PSD4: variants seen among roughly 807,000 people sequenced by gnomAD.
PSD4 encodes PH and SEC7 domain-containing protein 4.
A neutral mutation model predicts 112.5 loss-of-function variants in PSD4; 59 were observed. The observed-to-expected ratio is 0.52, with a 90% CI of 0.43 to 0.65. The LOEUF is 0.65. PSD4 is among the 30% of genes least tolerant of loss of function. The probability of loss-of-function intolerance (pLI) is 0.00; values close to 1 mark genes in which losing one functional copy is unlikely to be tolerated. For missense variants in PSD4, 1,267 were observed against 1,352.6 expected (o/e 0.94, Z 0.99); for synonymous variants, 533 against 540.0 (o/e 0.99, Z 0.18).
rs967255288 is a variant in PSD4 at position 113,198,904 on chromosome 2, G to T, written c.2769+20G>T. 1 of 1,560,796 alleles carries T rather than the reference G, an allele frequency of 6.4e-7. No individual in the cohort carries two copies. Among genetic ancestry groups the T allele is most frequent in the Non-Finnish European group, 8.6e-7 (1 of 1,160,230 alleles). ...TCCCTGGTACGGCCTCCGGGAAGGG[G>T]TGGGGTCCGGCGGAACTGGGAATGT... On this transcript the variant is annotated intron_variant, in intron 15 of 16. Transcript: ENST00000245796.
chr2:113,199,149 A>G lies in PSD4; in HGVS notation c.2836A>G (p.Arg946Gly). The stretch of plus-strand genomic sequence containing the variant: ...CGCGGACGACCTGCTGGATCTACAG[A>G]GGAACCTGCCGGAGCGGCGGGGCCG... The part of the protein sequence containing the change: ...AAADDLLDLQ[R>G]NLPERRGRGR... Residue 946 changes from arginine to glycine, a missense_variant, in exon 16 of 17, where the codon AGG (arginine) becomes GGG (glycine). Arg to Gly is a moderately radical substitution (Grantham distance 125). Around this residue, in one of 2 missense-constraint regions of PSD4, gnomAD observed 544 missense variants for 648.6 expected, o/e 0.84. Transcript: ENST00000245796. 3 of 1,528,974 alleles carry G rather than the reference A, an allele frequency of 2.0e-6. No individual in the cohort carries two copies. Among genetic ancestry groups the G allele is most frequent in the Non-Finnish European group, 2.6e-6 (3 of 1,139,824 alleles). 94.7% of individuals were successfully genotyped at this position (1,528,974 alleles called of 1,614,324 possible).
At chr2:113,193,218 G>C (rs758457285) in intron 7 of PSD4, 40 bp from the exon 8 acceptor site, 1 of 1,589,196 alleles carries the variant, frequency 6.3e-7, no homozygotes, top group Admixed American at 1.8e-5. Context: ...TTGGCCCTAA[G>C]CTCCCGGGCT....
chr2:113,201,249 G>A lies in PSD4; in HGVS notation c.3005G>A (p.Arg1002Lys). ...ALDLWEEQLG[R>K]EAGGTREPKL... Reference sequence around the variant, plus strand: ...GACCTGTGGGAGGAGCAGCTGGGGAGGGAAGCTGGAGGCACTCGGGAGCCC... The same window carrying A: ...GACCTGTGGGAGGAGCAGCTGGGGAAGGAAGCTGGAGGCACTCGGGAGCCC... The change falls in exon 17 of 17, where the codon AGG becomes AAG. Residue 1002 changes from arginine to lysine, a missense_variant. Arg to Lys is a conservative substitution (Grantham distance 26). Transcript: ENST00000245796. 2 of 1,614,200 alleles carry A rather than the reference G, an allele frequency of 1.2e-6. No homozygotes were observed. Among genetic ancestry groups the A allele is most frequent in the Non-Finnish European group, 1.7e-6 (2 of 1,180,036 alleles).
chr2:113,194,315 G>A (rs1204223495), intron 10 of PSD4, among the ~76,000 whole-genome samples: 1 of 152,222 alleles, frequency 6.6e-6, no homozygotes, highest in African/African-American at 2.4e-5. Flanking sequence ...TGGTGTTCCT[G>A]GGTTTGAATT....
chr2:113,197,392 T>A, intron 12 of PSD4, 172 bp from the exon 13 acceptor site: 1 of 717,104 alleles, frequency 1.4e-6, no homozygotes, highest in Non-Finnish European at 2.5e-6. Flanking sequence ...TATATGTTTG[T>A]TTACGATTGT....
chr2:113,198,714 G>A (rs1688681259), intron 14 of PSD4, 26 bp from the exon 15 acceptor site: 1 of 1,517,832 alleles, frequency 6.6e-7, no homozygotes, highest in African/African-American at 1.4e-5. Flanking sequence ...TGTGTCCCCG[G>A]GGACCAACGA....
At chr2:113,194,189 C>T (rs1211019375) in intron 10 of PSD4, among the ~76,000 whole-genome samples, 2 of 152,242 alleles carry the variant, frequency 1.3e-5, no homozygotes, top group Non-Finnish European at 2.9e-5. Context: ...ATCAGACTCT[C>T]TGAGACTGGG....
intron 4 of PSD4, 24 bp from the exon 5 acceptor site, chr2:113,185,853 G>T (rs777881550): frequency 6.3e-7 from 1 of 1,599,380 alleles, no homozygotes; most frequent in Admixed American, 1.8e-5. Flanking sequence ...CCCTGTGCCC[G>T]CCTCACTTCA....
At position 113,185,451 on chromosome 2, in the gene PSD4, A is replaced by G. The variant is rs371497260; in HGVS notation, c.1249+11A>G. On this transcript the variant is annotated intron_variant, in intron 4 of 16. Transcript: ENST00000245796. The stretch of plus-strand genomic sequence containing the variant: ...ACTCCCAGGACAGAGGTGAGCCCTA[A>G]TAAGGGGGTTTGGGAAATTGGGTCC... 10 of 1,614,028 alleles carry G rather than the reference A, an allele frequency of 6.2e-6. No homozygotes were observed. In the African/African-American group the frequency reaches 1.2e-4, roughly 19 times the overall value.
At position 113,201,197 on chromosome 2, in the gene PSD4, C is replaced by G; in HGVS notation, c.2953C>G (p.Arg985Gly). Reference sequence around the variant, plus strand: ...GACCTACGTGCAGCTGCTGGTGGCCCGCCTGCACTGCCCCTCTGATGCTCT... The same window carrying G: ...GACCTACGTGCAGCTGCTGGTGGCCGGCCTGCACTGCCCCTCTGATGCTCT... ...YETYVQLLVA[R>G]LHCPSDALDL... The change falls in exon 17 of 17, where the codon CGC becomes GGC. Residue 985 changes from arginine to glycine, a missense_variant. Physicochemically the swap from Arg to Gly is moderately radical, Grantham distance 125. Coordinates refer to ENST00000245796, the MANE Select transcript of PSD4 (RefSeq NM_012455.3). 1 of 1,613,826 alleles carries G rather than the reference C, an allele frequency of 6.2e-7. No individual in the cohort carries two copies. Among genetic ancestry groups the G allele is most frequent in the Non-Finnish European group, 8.5e-7 (1 of 1,179,816 alleles).
At chr2:113,192,627 G>C (rs370475774) in intron 6 of PSD4, 38 bp downstream of exon 6, 7 of 1,602,244 alleles carry the variant, frequency 4.4e-6, no homozygotes, top group African/African-American at 2.7e-5. Flanking sequence ...TGGAGGCTGA[G>C]GCAGCCAGGG....
At position 113,183,039 on chromosome 2, in the gene PSD4, C is replaced by T; in HGVS notation, c.583C>T (p.Leu195Phe). Residue 195 changes from leucine (L) to phenylalanine (F), a missense_variant, in exon 2 of 17, where the codon CTC (leucine) becomes TTC (phenylalanine). Around this residue, in one of 2 missense-constraint regions of PSD4, gnomAD observed 723 missense variants for 704.0 expected, o/e 1.03. Transcript: ENST00000245796. ...CTGTCTCCCCACGCCCCCTGTGGAC[C>T]TCCCCGGGGACACGGGCCTGCACTC... is the stretch of plus-strand genomic sequence containing the variant. ...KCCLPTPPVD[L>F]PGDTGLHSSP... 6.2e-7 allele frequency: 1 copy of T among 1,613,700 alleles called. No individual in the cohort carries two copies. Among genetic ancestry groups the T allele is most frequent in the Non-Finnish European group, 8.5e-7 (1 of 1,179,752 alleles).
Position 113,193,110 on chromosome 2 carries a change from G to T in PSD4, c.1901G>T (p.Ser634Ile). 6.2e-7 allele frequency: 1 copy of T among 1,614,150 alleles called. No individual in the cohort carries two copies. Among genetic ancestry groups the T allele is most frequent in the Non-Finnish European group, 8.5e-7 (1 of 1,179,968 alleles). The part of the protein sequence containing the change: ...YLSFFQFGGQ[S>I]LDRALRSFLQ... ...TCCTTCTTCCAGTTTGGAGGCCAGA[G>T]TCTGGACCGAGCCCTCCGGTAATGT... Residue 634 changes from serine (S) to isoleucine (I), a missense_variant, in exon 7 of 17, where the codon AGT becomes ATT. Coordinates refer to ENST00000245796, the MANE Select transcript of PSD4 (RefSeq NM_012455.3).
intron 9 of PSD4, 50 bp from the exon 10 acceptor site, chr2:113,193,809 T>C (rs1371359927): frequency 1.3e-6 from 2 of 1,590,610 alleles, no homozygotes; most frequent in East Asian, 2.2e-5. Flanking sequence ...GAGGTTATTC[T>C]ATTGGGATGG....
In PSD4 at chr2:113,202,123, T is replaced by C. The variant is rs1688792165; in HGVS notation, c.*708T>C. ...TTCCCCCGAAGTAGATGAAACAGTC[T>C]CACATACCCAACTGCTCATCAACAG... On this transcript the variant is annotated 3_prime_UTR_variant, in exon 17 of 17. Transcript: ENST00000245796. 7.2e-6 allele frequency: 1 copy of C among 139,520 alleles called. No homozygotes were observed. Among genetic ancestry groups the C allele is most frequent in the African/African-American group, 2.6e-5 (1 of 38,410 alleles). The allele number at this position is 139,520 out of a possible 1,614,324, so 8.6% of individuals were successfully genotyped here. A position where few individuals can be genotyped will look rare whatever the true frequency, so the allele number is the denominator to read the frequency against.
At chr2:113,197,523 G>T in intron 12 of PSD4, 41 bp from the exon 13 acceptor site, 2 of 1,610,878 alleles carry the variant, frequency 1.2e-6, no homozygotes, top group South Asian at 1.1e-5. Context: ...CTGGATGCTG[G>T]TGCCCCCACC....
At chr2:113,177,922 A>G (rs1434672884) in intron 1 of PSD4, among the ~76,000 whole-genome samples, 2 of 152,226 alleles carry the variant, frequency 1.3e-5, no homozygotes, top group African/African-American at 4.8e-5. Flanking sequence ...TAATTGGTTT[A>G]AAAAGTCATA....
Position 113,183,341 on chromosome 2 carries a change from A to G in PSD4, c.885A>G (p.Thr295=). 1 of 1,598,360 alleles carries G rather than the reference A, an allele frequency of 6.3e-7. No homozygotes were observed. The highest frequency in any genetic ancestry group is 8.5e-7 in the Non-Finnish European group (1 of 1,171,206). Residue 295 remains threonine, a synonymous_variant, in exon 2 of 17, where the codon ACA becomes ACG. Transcript: ENST00000245796. ...ATLEPPLPED[T]VLWELESEPD... Reference sequence around the variant, plus strand: ...TGGAGCCTCCCCTCCCAGAAGACACAGTGCTGTGGGAGCTGGAAAGTGAGC... The same window carrying G: ...TGGAGCCTCCCCTCCCAGAAGACACGGTGCTGTGGGAGCTGGAAAGTGAGC...
chr2:113,175,547 G>A (rs1351047971), intron 1 of PSD4, among the ~76,000 whole-genome samples: 1 of 152,142 alleles, frequency 6.6e-6, no homozygotes, highest in African/African-American at 2.4e-5. Flanking sequence ...TCTGTAATTC[G>A]GCAGCTTCTC....
Sources: gnomAD v4.1 joint callset for allele counts (sites outside exome capture counted in the v4.1 genomes callset) on GRCh38, gnomAD v4.1.1 for gene constraint, gnomAD v4.1.1 regional missense constraint, MANE v1.5 for transcripts, NCBI Gene and HGNC (gene_info 2026-07-23, HGNC 2026-07-21) for gene names.